SCML4: variants seen among roughly 807,000 people sequenced by gnomAD.
The protein encoded by SCML4 is Scm polycomb group protein like 4.
A neutral mutation model predicts 41.1 loss-of-function variants in SCML4; 34 were observed. That is an observed-to-expected ratio of 0.83 (90% CI 0.63 to 1.10). The LOEUF (loss-of-function observed/expected upper bound fraction) is 1.10, where lower values mean the gene tolerates loss of function less well. Ranked by LOEUF, SCML4 falls within the 50% of genes least tolerant of loss-of-function variation. SCML4 has a pLI of 0.00. For missense variants in SCML4, 522 were observed against 534.1 expected (o/e 0.98, Z 0.22); for synonymous variants, 214 against 220.9 (o/e 0.97, Z 0.28).
In SCML4 at chr6:107,772,211, C is replaced by T. The variant is rs1239325665; in HGVS notation, c.117G>A (p.Val39=). ...YSASAGSLPA[V]KIPKKRGRKP... ...TCCGCCCTCTTTTCTTTGGGATCTTCACTGCTGGTAAAGAGCCAGCTGAAG... is the reference window on the plus strand; with the variant it reads ...TCCGCCCTCTTTTCTTTGGGATCTTTACTGCTGGTAAAGAGCCAGCTGAAG... Residue 39 remains valine (V), a synonymous_variant, in exon 2 of 8, where the codon GTG becomes GTA. Transcript: ENST00000369020. 7 of 1,551,466 alleles carry T rather than the reference C, an allele frequency of 4.5e-6. No individual in the cohort carries two copies. In the Admixed American group the frequency reaches 1.4e-4, roughly 30 times the overall value.
At chr6:107,708,082 C>T (rs1362318303) in intron 6 of SCML4, 71 bp from the exon 7 acceptor site, 6 of 1,502,290 alleles carry the variant, frequency 4.0e-6, no homozygotes, top group Non-Finnish European at 5.4e-6. Context: ...GTGCTGCCTG[C>T]CCCCACCTAG....
At chr6:107,845,736 A>AT in the SCML4 span, among the ~76,000 whole-genome samples, 33 of 152,370 alleles carry the variant, frequency 2.2e-4, no homozygotes, top group Admixed American at 1.1e-3. Flanking sequence ...GGGTTTTATG[A>AT]GCAAGAGGAT....
In SCML4 at chr6:107,780,477, G is replaced by A. The variant is rs1187002359; in HGVS notation, c.-59-8091C>T. 2.6e-5 allele frequency among the ~76,000 whole-genome samples: 4 copies of A among 152,146 alleles called. 1 individual carries two copies. The highest frequency in any genetic ancestry group is 6.5e-5 in the Admixed American group (1 of 15,280). ...ATTCCCAGCAATTTGGGAGGTCAAGGCAGACGAATCACTTGAGCCCAGGAG... is the reference window on the plus strand; with the variant it reads ...ATTCCCAGCAATTTGGGAGGTCAAGACAGACGAATCACTTGAGCCCAGGAG... On this transcript the variant is annotated intron_variant, in intron 1 of 7. Coordinates refer to ENST00000369020, the MANE Select transcript of SCML4 (RefSeq NM_198081.5).
chr6:107,746,589 C>T (rs1469897774), intron 4 of SCML4, 100 bp downstream of exon 4: 12 of 1,053,366 alleles, frequency 1.1e-5, no homozygotes, highest in Admixed American at 2.1e-5. Context: ...AGATGAAGGA[C>T]AGACCCTGGC....
chr6:107,711,347 C>T (rs1329771502), intron 6 of SCML4, among the ~76,000 whole-genome samples: 1 of 152,174 alleles, frequency 6.6e-6, no homozygotes, highest in Non-Finnish European at 1.5e-5. Flanking sequence ...CGCCTAAGGA[C>T]GGTGGTCCCA....
At chr6:107,758,615 A>G (rs1443639693) in intron 2 of SCML4, among the ~76,000 whole-genome samples, 1 of 152,210 alleles carries the variant, frequency 6.6e-6, no homozygotes, top group Non-Finnish European at 1.5e-5. Context: ...ATAAGATGAA[A>G]AAAACTTGAT....
the SCML4 span, among the ~76,000 whole-genome samples, chr6:107,843,013 C>G: frequency 2.6e-5 from 4 of 151,868 alleles, 1 homozygote; most frequent in Admixed American, 6.6e-5. Context: ...CATTCTTCTA[C>G]TTATAATAAA....
intron 2 of SCML4, among the ~76,000 whole-genome samples, chr6:107,769,481 A>C (rs946567332): frequency 2.6e-5 from 4 of 152,218 alleles, no homozygotes; most frequent in African/African-American, 9.7e-5. Context: ...GAGGTGATTG[A>C]CAGAGCAGCT....
the SCML4 span, among the ~76,000 whole-genome samples, chr6:107,841,894 T>C: frequency 6.6e-6 from 1 of 152,188 alleles, no homozygotes; most frequent in Non-Finnish European, 1.5e-5. Flanking sequence ...TCATGGGAAG[T>C]GGTAGGAAGG....
intron 5 of SCML4, among the ~76,000 whole-genome samples, chr6:107,728,428 T>G (rs916405317): frequency 6.6e-6 from 1 of 152,012 alleles, no homozygotes; most frequent in Non-Finnish European, 1.5e-5. Flanking sequence ...CTGGCCAACA[T>G]GGTGAAACCC....
chr6:107,737,560 T>A (rs575247582), intron 5 of SCML4, among the ~76,000 whole-genome samples: 4 of 152,092 alleles, frequency 2.6e-5, no homozygotes, highest in Admixed American at 1.3e-4. Context: ...CAGACAGACT[T>A]CCTGTACTGA....
chr6:107,743,063 T>C (rs2114486986), intron 5 of SCML4, among the ~76,000 whole-genome samples: 1 of 152,192 alleles, frequency 6.6e-6, no homozygotes, highest in East Asian at 1.9e-4. Flanking sequence ...AACTGCAGGA[T>C]TGTTTTTTCA....
chr6:107,787,840 T>C (rs963572954), intron 1 of SCML4, among the ~76,000 whole-genome samples: 3 of 152,244 alleles, frequency 2.0e-5, no homozygotes, highest in Non-Finnish European at 4.4e-5. Flanking sequence ...TTCAGGCATA[T>C]AGATGCTCAT....
At chr6:107,772,433 G>GT in intron 1 of SCML4, 47 bp from the exon 2 acceptor site, 1 of 1,146,242 alleles carries the variant, frequency 8.7e-7, no homozygotes, top group Non-Finnish European at 1.2e-6. Context: ...AGAAGGGTTT[G>GT]TTTGGTTTGC....
chr6:107,724,933 G>A (rs62430578), intron 5 of SCML4, among the ~76,000 whole-genome samples: 24 of 152,310 alleles, frequency 1.6e-4, no homozygotes, highest in Non-Finnish European at 3.1e-4. Context: ...AATGAAATAA[G>A]CCAGGCACAG....
upstream of SCML4, among the ~76,000 whole-genome samples, chr6:107,827,798 C>T (rs746551608): frequency 6.6e-6 from 1 of 152,140 alleles, no homozygotes; most frequent in Non-Finnish European, 1.5e-5. Flanking sequence ...AATTTGGGGG[C>T]GTCCCAAATG....
chr6:107,815,378 G>C (rs1784489365), intron 1 of SCML4, among the ~76,000 whole-genome samples: 1 of 152,158 alleles, frequency 6.6e-6, no homozygotes, highest in African/African-American at 2.4e-5. Flanking sequence ...TTCTGAACCT[G>C]GGACTAACTT....
In SCML4 at chr6:107,749,667, T is replaced by C; in HGVS notation, c.286+17A>G. The C allele has an allele frequency of 1.9e-6, 3 of 1,613,392 alleles. No homozygotes were observed. Among genetic ancestry groups the C allele is most frequent in the Non-Finnish European group, 2.5e-6 (3 of 1,179,836 alleles). On this transcript the variant is annotated intron_variant, in intron 3 of 7. Coordinates refer to ENST00000369020, the MANE Select transcript of SCML4 (RefSeq NM_198081.5). ...CTACAGACCATCACAGCCTTGGAGT[T>C]CATTCTGCTGACCTACCTGTGAGAG... is the stretch of plus-strand genomic sequence containing the variant.
At chr6:107,775,932 G>A (rs1780906079) in intron 1 of SCML4, among the ~76,000 whole-genome samples, 1 of 152,000 alleles carries the variant, frequency 6.6e-6, no homozygotes, top group African/African-American at 2.4e-5. Flanking sequence ...TGCAACAAAT[G>A]ATTTATGGAC....
Sources: gnomAD v4.1 joint callset for allele counts (sites outside exome capture counted in the v4.1 genomes callset) on GRCh38, gnomAD v4.1.1 for gene constraint, MANE v1.5 for transcripts, NCBI Gene and HGNC (gene_info 2026-07-23, HGNC 2026-07-21) for gene names.